The following CDC123 variants were observed in gnomAD, a reference collection of about 807,000 sequenced individuals.
CDC123 encodes the protein translation initiation factor eIF2 assembly protein.
In CDC123, 37 loss-of-function variants were observed where a neutral mutation model predicts 54.4. The observed-to-expected ratio is 0.68, with a 90% CI of 0.52 to 0.89. CDC123 has a LOEUF of 0.89. Among genes scored for constraint, CDC123 ranks in the 40% least tolerant of loss-of-function variants. CDC123 has a pLI of 0.00. For synonymous variants in CDC123, 144 were observed against 136.8 expected (o/e 1.05, Z -0.37); for missense variants, 361 against 412.1 (o/e 0.88, Z 1.07).
At chr10:12,228,048 G>A (rs922776940) in intron 6 of CDC123, among the ~76,000 whole-genome samples, 4 of 151,924 alleles carry the variant, frequency 2.6e-5, no homozygotes, top group East Asian at 1.9e-4. Flanking sequence ...TGATCTTCCC[G>A]CCTCAGCCTT....
intron 2 of CDC123, among the ~76,000 whole-genome samples, chr10:12,199,188 C>T (rs1835406499): frequency 6.6e-6 from 1 of 152,152 alleles, no homozygotes; most frequent in African/African-American, 2.4e-5. Context: ...ACCGTGGCCC[C>T]CCCTCCACTT....
intron 4 of CDC123, among the ~76,000 whole-genome samples, chr10:12,212,363 G>A (rs1166785021): frequency 6.6e-6 from 1 of 152,192 alleles, no homozygotes; most frequent in Non-Finnish European, 1.5e-5. Context: ...AGAAACTGTG[G>A]AAGTGCTGAA....
intron 2 of CDC123, among the ~76,000 whole-genome samples, chr10:12,206,950 C>T (rs11257596): frequency 0.065 from 8,179 of 126,756 alleles, 285 homozygotes; most frequent in Middle Eastern, 0.089. Flanking sequence ...CAGAGCGAGA[C>T]TCCATCTCAA....
At chr10:12,202,245 C>G (rs1004404358) in intron 2 of CDC123, among the ~76,000 whole-genome samples, 6 of 152,178 alleles carry the variant, frequency 3.9e-5, no homozygotes, top group Admixed American at 6.5e-5. Context: ...CACTTTCATT[C>G]CCCAGAAAGG....
intron 6 of CDC123, among the ~76,000 whole-genome samples, chr10:12,218,250 T>C (rs1325098509): frequency 6.9e-6 from 1 of 145,272 alleles, no homozygotes; most frequent in Non-Finnish European, 1.5e-5. Context: ...TTTTTTTCTT[T>C]TTTTTTTTTT....
intron 7 of CDC123, among the ~76,000 whole-genome samples, chr10:12,234,019 T>C (rs997140672): frequency 1.3e-5 from 2 of 152,138 alleles, no homozygotes; most frequent in African/African-American, 4.8e-5. Flanking sequence ...ATAATAATTA[T>C]ATCAAAGTAA....
chr10:12,241,684 T>C (rs745523454), intron 10 of CDC123, among the ~76,000 whole-genome samples: 1 of 152,236 alleles, frequency 6.6e-6, no homozygotes, highest in Non-Finnish European at 1.5e-5. Flanking sequence ...TTCAGTGAGC[T>C]TGTTCTTTTT....
chr10:12,209,977 C>T lies in CDC123; in HGVS notation c.157C>T (p.Pro53Ser). ...TTTGTGTTTTTTTAGGGATGATCCA[C>T]CAACACATTCTCAGCCAGACAGTGA... ...TLVVSGRDDPPTHSQPDSDDE... is the reference protein window; with the variant it reads ...TLVVSGRDDPSTHSQPDSDDE... The change falls in exon 3 of 13, where the codon CCA (proline) becomes TCA (serine). Residue 53 changes from proline (P) to serine (S), a missense_variant. Physicochemically the swap from Pro to Ser is moderately conservative, Grantham distance 74. Transcript: ENST00000281141. 6.2e-7 allele frequency: 1 copy of T among 1,614,072 alleles called. No individual in the cohort carries two copies. The highest frequency in any genetic ancestry group is 8.5e-7 in the Non-Finnish European group (1 of 1,179,984).
intron 6 of CDC123, among the ~76,000 whole-genome samples, chr10:12,221,388 T>C (rs1835735316): frequency 6.6e-6 from 1 of 152,192 alleles, no homozygotes; most frequent in Non-Finnish European, 1.5e-5. Context: ...CAAGTATCTG[T>C]CATATGAAGA....
chr10:12,217,688 T>C (rs1318773607), intron 6 of CDC123, among the ~76,000 whole-genome samples: 2 of 152,258 alleles, frequency 1.3e-5, no homozygotes, highest in African/African-American at 4.8e-5. Flanking sequence ...CCTGCGTCTC[T>C]GCCCATTAAA....
At chr10:12,230,737 T>C (rs1835890055) in intron 6 of CDC123, among the ~76,000 whole-genome samples, 1 of 152,232 alleles carries the variant, frequency 6.6e-6, no homozygotes, top group Non-Finnish European at 1.5e-5. Flanking sequence ...TAACATTGTT[T>C]CGATGATTAA....
chr10:12,215,819 A>C lies in CDC123; in HGVS notation c.317A>C (p.Asn106Thr). 2 of 1,609,928 alleles carry C rather than the reference A, an allele frequency of 1.2e-6. No individual in the cohort carries two copies. Among genetic ancestry groups the C allele is most frequent in the South Asian group, 2.2e-5 (2 of 90,482 alleles). Residue 106 changes from asparagine (N) to threonine (T), a missense_variant, in exon 5 of 13, where the codon AAT (asparagine) becomes ACT (threonine). By Grantham distance (65) the Asn-to-Thr change is moderately conservative. Coordinates refer to ENST00000281141, the MANE Select transcript of CDC123 (RefSeq NM_006023.3). ...SLGGSVFPKL[N>T]WSAPRDAYWI... ...GGGGGCAGTGTCTTTCCTAAGCTTA[A>C]TTGGAGTGCCCCAAGGGTAGGAACA... is the stretch of plus-strand genomic sequence containing the variant.
rs767503676 is a variant in CDC123 at position 12,230,930 on chromosome 10, TTTC to T, written c.441-8_441-6del. 17 of 1,611,352 alleles carry T rather than the reference TTTC, an allele frequency of 1.1e-5. No individual in the cohort carries two copies. Among genetic ancestry groups the T allele is most frequent in the African/African-American group, 1.3e-5 (1 of 74,918 alleles). On this transcript the variant is annotated splice_polypyrimidine_tract_variant and intron_variant, in intron 6 of 12. Coordinates refer to ENST00000281141, the MANE Select transcript of CDC123 (RefSeq NM_006023.3). Reference sequence around the variant, plus strand: ...CAGTAACAAAAAGATTCAGTTGCCTTTTCTTCTTCTTCCAAAGGTTTATTCATT... The same window carrying T: ...CAGTAACAAAAAGATTCAGTTGCCTTTTCTTCTTCCAAAGGTTTATTCATT...
At chr10:12,218,296 G>T (rs1835689166) in intron 6 of CDC123, among the ~76,000 whole-genome samples, 1 of 143,296 alleles carries the variant, frequency 7.0e-6, no homozygotes, top group Admixed American at 7.2e-5. Flanking sequence ...TCCCAGGCTG[G>T]AGTGCAGTGG....
intron 6 of CDC123, among the ~76,000 whole-genome samples, chr10:12,225,746 CTTTTTTTTTTTTTT>C (rs60404885): frequency 4.5e-5 from 3 of 66,928 alleles, no homozygotes; most frequent in African/African-American, 2.1e-4. Flanking sequence ...TAGCTTCTCT[CTTTTTTTTTTTTTT>C]TTTTTTTTTT....
chr10:12,231,210 C>A (rs1347020902), intron 7 of CDC123, among the ~76,000 whole-genome samples: 1 of 152,166 alleles, frequency 6.6e-6, no homozygotes, highest in Non-Finnish European at 1.5e-5. Context: ...TATACACTTG[C>A]TACAGGATAT....
Position 12,201,205 on chromosome 10 carries a change from A to G in CDC123, c.146+2429A>G, listed in dbSNP as rs76047440. 4.9e-3 allele frequency among the ~76,000 whole-genome samples: 750 copies of G among 152,384 alleles called. 15 individuals are homozygous for G. The highest frequency in any genetic ancestry group is 0.032 in the Admixed American group (490 of 15,302). On this transcript the variant is annotated intron_variant, in intron 2 of 12. Transcript: ENST00000281141. ...TTTGTAGGGTCATTGCAAAGATACAAAGTGATAATACATAAAATGTTCAGT... is the reference window on the plus strand; with the variant it reads ...TTTGTAGGGTCATTGCAAAGATACAGAGTGATAATACATAAAATGTTCAGT...
At chr10:12,247,435 C>G (rs1368803418) in intron 11 of CDC123, 1 of 139,396 alleles carries the variant, frequency 7.2e-6, no homozygotes. Flanking sequence ...ACACTGTGTC[C>G]TCCTCTCTCA....
intron 2 of CDC123, among the ~76,000 whole-genome samples, chr10:12,208,604 T>C (rs1236598124): frequency 6.6e-6 from 1 of 152,148 alleles, no homozygotes; most frequent in Non-Finnish European, 1.5e-5. Context: ...GAAGAGGGCT[T>C]TGTGCAGCGC....
Sources: allele counts gnomAD v4.1 joint callset (sites outside exome capture counted in the v4.1 genomes callset), GRCh38; gene constraint gnomAD v4.1.1; transcripts MANE v1.5; gene names NCBI Gene and HGNC (gene_info 2026-07-23, HGNC 2026-07-21).